INO80: variants seen among roughly 807,000 people sequenced by gnomAD.
The protein encoded by INO80 is INO80 complex ATPase subunit.
In INO80, 20 loss-of-function variants were observed where a neutral mutation model predicts 203.4. That is an observed-to-expected ratio of 0.10 (90% confidence interval 0.07 to 0.14). The LOEUF is 0.14. Among genes scored for constraint, INO80 ranks in the 10% least tolerant of loss-of-function variants. INO80 has a pLI of 1.00. For missense variants in INO80, 1,419 were observed against 1,914.4 expected, an observed-to-expected ratio of 0.74 and a Z score of 4.83; for synonymous variants, 726 against 685.2, an observed-to-expected ratio of 1.06 and a Z score of -0.93.
At chr15:41,108,068 C>T (rs2045906806) in intron 1 of INO80, among the ~76,000 whole-genome samples, 1 of 152,016 alleles carries the variant, frequency 6.6e-6, no homozygotes, top group Non-Finnish European at 1.5e-5. Flanking sequence ...CCACTGCACT[C>T]CAGCCTTGGC....
Position 41,089,208 on chromosome 15 carries a change from A to T in INO80, c.538-1526T>A, listed in dbSNP as rs1193964835. ...CTCAAAAAATAAAACAAAAATAAAT[A>T]AAAAATAAACATAAAAAACAAGCAA... On this transcript the variant is annotated intron_variant, in intron 5 of 35. Transcript: ENST00000648947. Among the ~76,000 whole-genome samples, 7 of 152,272 alleles carry T rather than the reference A, an allele frequency of 4.6e-5. No homozygotes were observed. In the South Asian group the frequency reaches 1.0e-3, roughly 23 times the overall value.
intron 25 of INO80, among the ~76,000 whole-genome samples, chr15:41,027,192 C>T (rs914463302): frequency 3.3e-5 from 5 of 152,218 alleles, no homozygotes; most frequent in Admixed American, 1.3e-4. Context: ...GTGATATGAC[C>T]GGATCAAATC....
chr15:41,070,429 T>G (rs143586963), intron 13 of INO80, 38 bp downstream of exon 13: 1 of 1,554,392 alleles, frequency 6.4e-7, no homozygotes, highest in African/African-American at 1.4e-5. Context: ...TACCCTAAAT[T>G]CTAGAGAAAT....
chr15:41,065,425 A>G (rs1365237255), intron 14 of INO80, among the ~76,000 whole-genome samples: 1 of 152,120 alleles, frequency 6.6e-6, no homozygotes, highest in African/African-American at 2.4e-5. Context: ...ACAGAGCAAG[A>G]CTCTGTGTCA....
intron 23 of INO80, among the ~76,000 whole-genome samples, chr15:41,046,088 C>A (rs1210951484): frequency 6.6e-6 from 1 of 150,560 alleles, no homozygotes; most frequent in Admixed American, 6.6e-5. Flanking sequence ...CCTGTAGAAA[C>A]AAGTAAACAA....
At position 40,979,490 on chromosome 15, in the gene INO80, T is replaced by G. The variant is rs1893733645; in HGVS notation, c.*733A>C. The stretch of plus-strand genomic sequence containing the variant: ...CTCTGCAAGAGGGGCAGTGAGGCTG[T>G]CCTGCTGATTGAGGTGGCTCCTGGT... On this transcript the variant is annotated 3_prime_UTR_variant, in exon 36 of 36. Transcript: ENST00000648947. 6.6e-6 allele frequency: 1 copy of G among 150,804 alleles called. No individual in the cohort carries two copies. The highest frequency in any genetic ancestry group is 2.6e-5 in the African/African-American group (1 of 38,826). The allele number at this position is 150,804 out of a possible 1,614,324, so 9.3% of individuals were successfully genotyped here.
intron 16 of INO80, 77 bp downstream of exon 16, chr15:41,058,562 T>C (rs1485194603): frequency 1.4e-5 from 14 of 1,032,164 alleles, no homozygotes; most frequent in East Asian, 5.0e-5. Context: ...TGTGTGTGTG[T>C]GTGTGTGCGT....
rs1272478811 is a variant in INO80, at chr15:40,983,867, T to C, written c.4132A>G (p.Ser1378Gly). The C allele has an allele frequency of 6.2e-7, 1 of 1,613,538 alleles. No homozygotes were observed. The highest frequency in any genetic ancestry group is 8.5e-7 in the Non-Finnish European group (1 of 1,179,978). ...TCATCCACAATGACCAGCATGTCAC[T>C]GCTGCTCTCGTCCAGGGGAATGGAG... is the stretch of plus-strand genomic sequence containing the variant. Reference protein sequence around the residue: ...TGSIPLDESSSDMLVIVDDPA... With the variant: ...TGSIPLDESSGDMLVIVDDPA... The change falls in exon 34 of 36, where the codon AGT (serine) becomes GGT (glycine). Residue 1378 changes from serine to glycine, a missense_variant. By Grantham distance (56) the Ser-to-Gly change is moderately conservative (BLOSUM62 0). This residue lies in a region of INO80 where 214 missense variants were observed against 248.9 expected (regional missense o/e 0.86). Coordinates refer to ENST00000648947, the MANE Select transcript of INO80 (RefSeq NM_017553.3).
intron 29 of INO80, among the ~76,000 whole-genome samples, chr15:40,995,687 A>ATC (rs2043872152): frequency 6.6e-6 from 1 of 152,208 alleles, no homozygotes; most frequent in African/African-American, 2.4e-5. Context: ...AAAGTGATGA[A>ATC]TCTTGTACTC....
intron 5 of INO80, among the ~76,000 whole-genome samples, chr15:41,090,766 T>G (rs1476974267): frequency 6.6e-6 from 1 of 151,970 alleles, no homozygotes; most frequent in African/African-American, 2.4e-5. Context: ...TATATAAGGC[T>G]GAAGTTTTGT....
chr15:41,080,139 A>T lies in INO80; in HGVS notation c.928-235T>A, dbSNP rs1596314879. Among the ~76,000 whole-genome samples the T allele has an allele frequency of 3.3e-5, 5 of 152,350 alleles. No homozygotes were observed. The South Asian group carries it at 1.0e-3, about 32-fold the overall frequency. ...TTTCTATCACCTTAGAAGATGAAAAATTATAATGATGAAGAAGGACCTGGG... is the reference window on the plus strand; with the variant it reads ...TTTCTATCACCTTAGAAGATGAAAATTTATAATGATGAAGAAGGACCTGGG... On this transcript the variant is annotated intron_variant, in intron 8 of 35. Transcript: ENST00000648947.
chr15:41,071,515 C>T lies in INO80; in HGVS notation c.1605+334G>A, dbSNP rs905423876. Among the ~76,000 whole-genome samples the T allele has an allele frequency of 4.9e-5, 7 of 143,826 alleles. No individual in the cohort carries two copies. In the South Asian group the frequency reaches 6.5e-4, roughly 13 times the overall value. 94.4% of individuals were successfully genotyped at this position (143,826 alleles called of 152,430 possible). A position where few individuals can be genotyped will look rare whatever the true frequency, so the allele number is the denominator to read the frequency against. ...TGTTGCCCAGGCTACAGTGCAATGGCGCCATCTTAGCTCACCGCAATCTCC... is the reference window on the plus strand; with the variant it reads ...TGTTGCCCAGGCTACAGTGCAATGGTGCCATCTTAGCTCACCGCAATCTCC... On this transcript the variant is annotated intron_variant, in intron 12 of 35. Coordinates refer to ENST00000648947, the MANE Select transcript of INO80 (RefSeq NM_017553.3).
chr15:41,070,352 T>C (rs1299119430), intron 13 of INO80, 115 bp downstream of exon 13: 2 of 920,960 alleles, frequency 2.2e-6, no homozygotes, highest in Non-Finnish European at 3.4e-6. Context: ...AAGAACCCAG[T>C]CCCACTATCT....
chr15:40,989,165 G>A (rs1428439203), intron 29 of INO80, among the ~76,000 whole-genome samples: 1 of 152,186 alleles, frequency 6.6e-6, no homozygotes, highest in African/African-American at 2.4e-5. Flanking sequence ...GGCAACAAGA[G>A]AGAAACTCTG....
Position 41,037,047 on chromosome 15 carries a change from G to A in INO80, c.2907+7857C>T, listed in dbSNP as rs1319246634. Among the ~76,000 whole-genome samples the A allele has an allele frequency of 2.0e-5, 3 of 152,182 alleles. No homozygotes were observed. In the South Asian group the frequency reaches 6.2e-4, roughly 32 times the overall value. On this transcript the variant is annotated intron_variant, in intron 24 of 35. Transcript: ENST00000648947. ...AAACCCGGGAGGTGGAGGTTACAGT[G>A]AGCCAAGGTCACTCCACTGCACTCC...
rs751810203 is a variant in INO80, at chr15:40,987,108, T to C, written c.3815A>G (p.Glu1272Gly). 6.2e-7 allele frequency: 1 copy of C among 1,608,128 alleles called. No individual in the cohort carries two copies. Among genetic ancestry groups the C allele is most frequent in the Non-Finnish European group, 8.5e-7 (1 of 1,174,508 alleles). ...GTACATACGTTTCTTCTCCAACTCT[T>C]CGTCGTCTAGAAGAAGACTAACCAC... ...KEVVSLLLDDEELEKKLRLRQ... is the reference protein window; with the variant it reads ...KEVVSLLLDDGELEKKLRLRQ... The change falls in exon 31 of 36, where the codon GAA (glutamate) becomes GGA (glycine). Residue 1272 changes from glutamate (E) to glycine (G), a missense_variant. Coordinates refer to ENST00000648947, the MANE Select transcript of INO80 (RefSeq NM_017553.3).
At chr15:41,089,058 C>T (rs2045598911) in intron 5 of INO80, among the ~76,000 whole-genome samples, 1 of 152,046 alleles carries the variant, frequency 6.6e-6, no homozygotes, top group African/African-American at 2.4e-5. Context: ...GGCATGGTGG[C>T]AGGCTTCTGT....
intron 29 of INO80, 152 bp from the exon 30 acceptor site, chr15:40,988,126 T>A: frequency 1.8e-6 from 1 of 569,772 alleles, no homozygotes; most frequent in East Asian, 2.9e-5. Context: ...TCTTAGAAGA[T>A]ACAAAGCCGT....
intron 14 of INO80, among the ~76,000 whole-genome samples, chr15:41,067,568 T>C (rs941904578): frequency 3.9e-5 from 6 of 152,170 alleles, no homozygotes; most frequent in Non-Finnish European, 8.8e-5. Flanking sequence ...AAAAGCTATA[T>C]ATCCTAACAC....
Sources: allele counts gnomAD v4.1 joint callset (sites outside exome capture counted in the v4.1 genomes callset), GRCh38; gene constraint gnomAD v4.1.1; regional missense constraint gnomAD v4.1.1; transcripts MANE v1.5; gene names NCBI Gene and HGNC (gene_info 2026-07-23, HGNC 2026-07-21).